TBC1D19: variants seen among roughly 807,000 people sequenced by gnomAD.
TBC1D19 encodes the protein TBC1 domain family, member 19.
Under a neutral mutation model 89.0 loss-of-function variants are expected in TBC1D19, and 60 were observed. The ratio of observed to expected loss-of-function variants is 0.67; its 90% CI spans 0.55 to 0.84. The LOEUF (loss-of-function observed/expected upper bound fraction) is 0.84. Among genes scored for constraint, TBC1D19 ranks in the 40% least tolerant of loss-of-function variants. The pLI is 0.00. For synonymous variants in TBC1D19, 189 were observed against 199.7 expected (o/e 0.95, Z 0.45); for missense variants, 500 against 610.8 (o/e 0.82, Z 1.91).
chr4:26,632,448 CTTA>C (rs1742860558), intron 4 of TBC1D19, among the ~76,000 whole-genome samples: 1 of 151,510 alleles, frequency 6.6e-6, no homozygotes, highest in Non-Finnish European at 1.5e-5. Context: ...GAAAAATATA[CTTA>C]TTATTTATTA....
chr4:26,584,017 G>C, upstream of TBC1D19: 1 of 622,530 alleles, frequency 1.6e-6, no homozygotes. Flanking sequence ...TTCAGGCGCT[G>C]AGGGGACCAG....
intron 4 of TBC1D19, among the ~76,000 whole-genome samples, chr4:26,621,075 G>C (rs1037900354): frequency 1.3e-5 from 2 of 152,144 alleles, no homozygotes; most frequent in Admixed American, 1.3e-4. Flanking sequence ...TATTGAAAGT[G>C]TATTTAAAAT....
the TBC1D19 span, among the ~76,000 whole-genome samples, chr4:26,767,776 C>G: frequency 6.6e-6 from 1 of 152,182 alleles, no homozygotes; most frequent in African/African-American, 2.4e-5. Context: ...TAACCAGAAT[C>G]AAATTTACCC....
Position 26,638,106 on chromosome 4 carries a change from A to G in TBC1D19, c.370-665A>G, listed in dbSNP as rs1162889724. On this transcript the variant is annotated intron_variant, in intron 5 of 20. Transcript: ENST00000264866. ...AACATTTATGTTACTCTGGGCATTGAGGAGAAAAGATGAGAAAGAAAAGAA... is the reference window on the plus strand; with the variant it reads ...AACATTTATGTTACTCTGGGCATTGGGGAGAAAAGATGAGAAAGAAAAGAA... 7.3e-3 allele frequency among the ~76,000 whole-genome samples: 1,106 copies of G among 150,928 alleles called. 18 individuals are homozygous for G. The highest frequency in any genetic ancestry group is 0.026 in the African/African-American group (1,042 of 40,302).
the TBC1D19 span, among the ~76,000 whole-genome samples, chr4:26,807,881 A>G: frequency 6.6e-6 from 1 of 152,272 alleles, no homozygotes; most frequent in African/African-American, 2.4e-5. Flanking sequence ...AATGTTTATT[A>G]CAAGGGTAAT....
the TBC1D19 span, among the ~76,000 whole-genome samples, chr4:26,807,166 C>T: frequency 6.6e-6 from 1 of 152,110 alleles, no homozygotes; most frequent in East Asian, 1.9e-4. Context: ...TGTCGGCAAC[C>T]TTCATTCTCT....
intron 8 of TBC1D19, among the ~76,000 whole-genome samples, chr4:26,665,645 G>A (rs911435429): frequency 3.9e-5 from 6 of 152,030 alleles, no homozygotes; most frequent in African/African-American, 1.4e-4. Context: ...GATATTTGCA[G>A]TGTTTAGTTG....
chr4:26,735,297 CTCTT>C (rs1482304389), intron 15 of TBC1D19, among the ~76,000 whole-genome samples, 154 bp from the exon 16 acceptor site: 2 of 151,848 alleles, frequency 1.3e-5, no homozygotes, highest in Non-Finnish European at 1.5e-5. Context: ...TTAAAAATAT[CTCTT>C]TATTGTTTAC....
chr4:26,705,749 T>G (rs916855666), intron 13 of TBC1D19, among the ~76,000 whole-genome samples: 1 of 152,218 alleles, frequency 6.6e-6, no homozygotes, highest in Non-Finnish European at 1.5e-5. Flanking sequence ...CCAGATATGT[T>G]CTTCTTTTTT....
downstream of TBC1D19, among the ~76,000 whole-genome samples, chr4:26,756,383 C>T (rs1719262765): frequency 6.6e-6 from 1 of 152,078 alleles, no homozygotes; most frequent in South Asian, 2.1e-4. Flanking sequence ...TACAGATATG[C>T]CCATCTTTGG....
the TBC1D19 span, chr4:26,857,661 G>C: frequency 6.6e-6 from 1 of 152,210 alleles, no homozygotes; most frequent in African/African-American, 2.4e-5. Context: ...CGCACCTGGG[G>C]GAAGCCGGCA....
At chr4:26,596,646 G>A (rs1218101781) in intron 1 of TBC1D19, among the ~76,000 whole-genome samples, 1 of 119,076 alleles carries the variant, frequency 8.4e-6, no homozygotes, top group Non-Finnish European at 1.9e-5. Context: ...TTGATTTGCT[G>A]TTCTTTTTCT....
intron 7 of TBC1D19, among the ~76,000 whole-genome samples, chr4:26,649,057 G>C (rs1391753048): frequency 6.6e-6 from 1 of 151,468 alleles, no homozygotes; most frequent in Non-Finnish European, 1.5e-5. Flanking sequence ...TTTTATGTTT[G>C]TCAGTTTCCC....
intron 1 of TBC1D19, among the ~76,000 whole-genome samples, chr4:26,608,417 G>C (rs1741141427): frequency 6.6e-6 from 1 of 152,064 alleles, no homozygotes; most frequent in Non-Finnish European, 1.5e-5. Context: ...GTTTTATATA[G>C]GATTCCTAAT....
rs2109234183 is a variant in TBC1D19, at chr4:26,708,423, T to G, written c.955-9510T>G. 1.3e-5 allele frequency among the ~76,000 whole-genome samples: 2 copies of G among 152,248 alleles called. 1 individual carries two copies. The highest frequency in any genetic ancestry group is 4.1e-4 in the South Asian group (2 of 4,830). ...TCTTTGCCTTTGACCTTCAACAGTT[T>G]GATTATAATGTGTCCTAGTGTGGGA... On this transcript the variant is annotated intron_variant, in intron 13 of 20. Transcript: ENST00000264866.
At chr4:26,813,494 G>T in the TBC1D19 span, among the ~76,000 whole-genome samples, 3 of 151,976 alleles carry the variant, frequency 2.0e-5, no homozygotes, top group Admixed American at 6.6e-5. Flanking sequence ...ATGCGAATGC[G>T]TTTTTTTATA....
chr4:26,748,631 A>T (rs1718779882), intron 19 of TBC1D19, 105 bp downstream of exon 19: 1 of 828,088 alleles, frequency 1.2e-6, no homozygotes, highest in East Asian at 2.5e-5. Flanking sequence ...GTCACTTCTA[A>T]TTCATGAACA....
chr4:26,671,598 T>A (rs1045944108), intron 9 of TBC1D19, among the ~76,000 whole-genome samples: 24 of 151,834 alleles, frequency 1.6e-4, no homozygotes, highest in Admixed American at 5.9e-4. Context: ...AATCTCATCA[T>A]AGAATCTTTT....
At chr4:26,749,271 A>G (rs953058895) in intron 19 of TBC1D19, among the ~76,000 whole-genome samples, 3 of 152,156 alleles carry the variant, frequency 2.0e-5, no homozygotes, top group Non-Finnish European at 4.4e-5. Flanking sequence ...GGAAATTCAA[A>G]TAATAATTAC....
Sources: gnomAD v4.1 joint callset for allele counts (sites outside exome capture counted in the v4.1 genomes callset) on GRCh38, gnomAD v4.1.1 for gene constraint, MANE v1.5 for transcripts, NCBI Gene and HGNC (gene_info 2026-07-23, HGNC 2026-07-21) for gene names.